The following MED20 variants were observed in gnomAD, a reference collection of about 807,000 sequenced individuals.
MED20 encodes mediator complex subunit 20, also known as mediator of RNA polymerase II transcription subunit 20.
Under a neutral mutation model 19.7 loss-of-function variants are expected in MED20, and 19 were observed. The observed-to-expected ratio is 0.96, with a 90% CI of 0.67 to 1.42. The LOEUF is 1.42. Among genes scored for constraint, MED20 ranks in the 40% most tolerant of loss-of-function variants. The pLI is 0.00. For missense variants in MED20, 225 were observed against 273.0 expected, an observed-to-expected ratio of 0.82 and a Z score of 1.24; for synonymous variants, 105 against 104.8, an observed-to-expected ratio of 1.00 and a Z score of -0.01.
Position 41,920,740 on chromosome 6 carries a change from C to T in MED20, c.14+265G>A. The T allele has an allele frequency of 9.9e-6, 4 of 402,666 alleles. No individual in the cohort carries two copies. The South Asian group carries it at 1.8e-4, about 18-fold the overall frequency. 24.9% of individuals were successfully genotyped at this position (402,666 alleles called of 1,614,324 possible). A position where few individuals can be genotyped will look rare whatever the true frequency, so the allele number is the denominator to read the frequency against. On this transcript the variant is annotated intron_variant, in intron 1 of 3. Coordinates refer to ENST00000265350, the MANE Select transcript of MED20 (RefSeq NM_004275.5). ...GAGCCAAGATCGCTCCACTGCACTC[C>T]AGTCTGGCGACAGAGCGAGACCCCG...
intron 1 of MED20, among the ~76,000 whole-genome samples, chr6:41,920,372 T>TA (rs1479992773): frequency 6.6e-6 from 1 of 152,100 alleles, no homozygotes; most frequent in Non-Finnish European, 1.5e-5. Context: ...GCGAAAATCT[T>TA]AAAAAATACT....
intron 2 of MED20, among the ~76,000 whole-genome samples, chr6:41,910,641 A>G (rs1775169130): frequency 6.6e-6 from 1 of 151,706 alleles, no homozygotes; most frequent in African/African-American, 2.4e-5. Flanking sequence ...CCAAAAAAAA[A>G]AAAGAAAAAA....
intron 2 of MED20, among the ~76,000 whole-genome samples, chr6:41,911,877 C>T (rs140502215): frequency 6.6e-5 from 10 of 152,224 alleles, no homozygotes; most frequent in Admixed American, 2.6e-4. Flanking sequence ...CATCCAAAGC[C>T]GACCTCGTCA....
At chr6:41,915,789 A>AACACACACACACACACACACACACACAC (rs34924867) in intron 2 of MED20, among the ~76,000 whole-genome samples, 1,801 of 148,610 alleles carry the variant, frequency 0.012, 36 homozygotes, top group African/African-American at 0.036. Flanking sequence ...TCCGTCTCAA[A>AACACACACACACACACACACACACACAC]ACACACACAC....
At chr6:41,908,740 C>G (rs1056425020) in intron 3 of MED20, among the ~76,000 whole-genome samples, 24 of 152,180 alleles carry the variant, frequency 1.6e-4, no homozygotes, top group Non-Finnish European at 3.1e-4. Flanking sequence ...ATGAAGCTTT[C>G]TGCTTGCTTT....
chr6:41,914,661 G>C (rs957833685), intron 2 of MED20, among the ~76,000 whole-genome samples: 5 of 151,948 alleles, frequency 3.3e-5, no homozygotes, highest in Non-Finnish European at 7.4e-5. Context: ...AGAGCTTGCA[G>C]TGAGCTGTGA....
At chr6:41,915,355 A>C (rs1201730869) in intron 2 of MED20, among the ~76,000 whole-genome samples, 9 of 152,150 alleles carry the variant, frequency 5.9e-5, no homozygotes, top group Admixed American at 2.0e-4. Context: ...TCAGCCAGGC[A>C]TGGTGGCACA....
At chr6:41,911,675 C>A (rs1475589933) in intron 2 of MED20, among the ~76,000 whole-genome samples, 2 of 152,038 alleles carry the variant, frequency 1.3e-5, no homozygotes, top group African/African-American at 2.4e-5. Context: ...GAGTGTGCAA[C>A]TGAAAAGGGT....
chr6:41,919,012 C>T (rs1775390640), intron 1 of MED20, among the ~76,000 whole-genome samples: 1 of 149,824 alleles, frequency 6.7e-6, no homozygotes, highest in African/African-American at 2.5e-5. Context: ...GCCTGTAGTC[C>T]CAGCTACTCG....
chr6:41,910,635 AAAAAAAAAAG>A (rs1266933099), intron 2 of MED20, among the ~76,000 whole-genome samples: 40 of 151,468 alleles, frequency 2.6e-4, no homozygotes, highest in African/African-American at 9.4e-4. Flanking sequence ...CTATCTCCAA[AAAAAAAAAAG>A]AAAAAAAAAG....
At chr6:41,917,579 A>G in intron 1 of MED20, 1 of 346,020 alleles carries the variant, frequency 2.9e-6, no homozygotes, top group Non-Finnish European at 5.8e-6. Flanking sequence ...AGCCCCTCTA[A>G]GAACTGGAGC....
At chr6:41,919,488 T>C (rs1182465894) in intron 1 of MED20, among the ~76,000 whole-genome samples, 1 of 152,184 alleles carries the variant, frequency 6.6e-6, no homozygotes, top group East Asian at 1.9e-4. Context: ...AAAAAAACAC[T>C]GATAAACGAT....
chr6:41,913,769 G>A (rs1439990299), intron 2 of MED20, among the ~76,000 whole-genome samples: 12 of 152,024 alleles, frequency 7.9e-5, no homozygotes, highest in South Asian at 4.1e-4. Context: ...GTGGTGGAGC[G>A]CACCTGTAGT....
At chr6:41,916,725 C>T (rs1775323655) in intron 2 of MED20, 60 bp downstream of exon 2, 2 of 1,588,064 alleles carry the variant, frequency 1.3e-6, no homozygotes, top group South Asian at 2.2e-5. Flanking sequence ...CTTCAATTAA[C>T]TCAAATGTCT....
At chr6:41,916,283 AAAATAAAAT>A (rs1775313475) in intron 2 of MED20, among the ~76,000 whole-genome samples, 1 of 151,640 alleles carries the variant, frequency 6.6e-6, no homozygotes, top group Non-Finnish European at 1.5e-5. Context: ...AAAATAAAAT[AAAATAAAAT>A]AAAGTGGCCG....
rs370242985 is a variant in MED20, at chr6:41,909,632, TCAG to T, written c.170-113_170-111del. Reference sequence around the variant, plus strand: ...GGCCAGACAGCAATCTGGCACTACCTCAGCAGTTCTTGGTTGGGGGTGAGGGGA... The same window carrying T: ...GGCCAGACAGCAATCTGGCACTACCTCAGTTCTTGGTTGGGGGTGAGGGGA... On this transcript the variant is annotated intron_variant, in intron 2 of 3. Transcript: ENST00000265350. 4.6e-4 allele frequency: 678 copies of T among 1,481,774 alleles called. 4 individuals are homozygous for T. In the African/African-American group the frequency reaches 8.3e-3, roughly 18 times the overall value. The allele number at this position is 1,481,774 out of a possible 1,614,324, so 91.8% of individuals were successfully genotyped here.
At chr6:41,911,371 GA>G (rs1775190445) in intron 2 of MED20, among the ~76,000 whole-genome samples, 1 of 151,878 alleles carries the variant, frequency 6.6e-6, no homozygotes, top group Admixed American at 6.6e-5. Context: ...GGCTGGTCTT[GA>G]ACTCCTGACC....
chr6:41,917,260 C>T (rs1392495392), intron 1 of MED20, among the ~76,000 whole-genome samples: 1 of 152,032 alleles, frequency 6.6e-6, no homozygotes, highest in African/African-American at 2.4e-5. Context: ...ATTAGCTGGG[C>T]GTGGTAGCGG....
In MED20 at chr6:41,919,128, CAAAAAAAAA is replaced by C. The variant is rs35512146; in HGVS notation, c.14+1868_14+1876del. ...TGGGCAACAGAGTGAGACTCTGCCT[CAAAAAAAAA>C]AAAAAAAAAAAAAAAGAGGAAACTT... is the stretch of plus-strand genomic sequence containing the variant. On this transcript the variant is annotated intron_variant, in intron 1 of 3. Transcript: ENST00000265350. Among the ~76,000 whole-genome samples, 5 of 44,888 alleles carry C rather than the reference CAAAAAAAAA, an allele frequency of 1.1e-4. No homozygotes were observed. In the East Asian group the frequency reaches 3.3e-3, roughly 30 times the overall value. The allele number at this position is 44,888 out of a possible 152,430, so 29.4% of individuals were successfully genotyped here. A position where few individuals can be genotyped will look rare whatever the true frequency, so the allele number is the denominator to read the frequency against.
Sources: allele counts gnomAD v4.1 joint callset (sites outside exome capture counted in the v4.1 genomes callset), GRCh38; gene constraint gnomAD v4.1.1; transcripts MANE v1.5; gene names NCBI Gene and HGNC (gene_info 2026-07-23, HGNC 2026-07-21).